MYO10: variants seen among roughly 807,000 people sequenced by gnomAD.
MYO10 encodes myosin X.
A neutral mutation model predicts 257.3 loss-of-function variants in MYO10; 133 were observed. The ratio of observed to expected loss-of-function variants is 0.52; its 90% CI spans 0.45 to 0.60. MYO10 has a LOEUF of 0.60. MYO10 is among the 20% of genes least tolerant of loss of function. MYO10 has a pLI of 0.00. For missense variants in MYO10, 2,399 were observed against 2,635.7 expected (o/e 0.91, Z 1.97); for synonymous variants, 1,104 against 1,028.6 (o/e 1.07, Z -1.40).
intron 19 of MYO10, among the ~76,000 whole-genome samples, chr5:16,712,135 G>C (rs1738649253): frequency 1.3e-5 from 2 of 151,828 alleles, no homozygotes; most frequent in African/African-American, 2.4e-5. Context: ...GGATGGGGAA[G>C]GGGAGATGAC....
intron 8 of MYO10, among the ~76,000 whole-genome samples, chr5:16,780,237 T>C (rs1741381722): frequency 6.6e-6 from 1 of 152,068 alleles, no homozygotes; most frequent in South Asian, 2.1e-4. Flanking sequence ...TTATTCAGGG[T>C]GGCTGAAAAG....
At chr5:16,775,572 C>T (rs1429630265) in intron 9 of MYO10, among the ~76,000 whole-genome samples, 2 of 151,730 alleles carry the variant, frequency 1.3e-5, no homozygotes, top group Admixed American at 1.3e-4. Flanking sequence ...TACAGGTACA[C>T]CACAATGCCT....
chr5:16,903,660 G>C (rs1745446114), intron 1 of MYO10, among the ~76,000 whole-genome samples: 1 of 152,158 alleles, frequency 6.6e-6, no homozygotes. Context: ...TTAGAAAATA[G>C]TCCAGCCTAG....
At chr5:16,792,157 A>AGAGAGAGAGAGG (rs1560987026) in intron 4 of MYO10, among the ~76,000 whole-genome samples, 9 of 144,278 alleles carry the variant, frequency 6.2e-5, no homozygotes, top group African/African-American at 2.3e-4. Context: ...AGAGAGAGAG[A>AGAGAGAGAGAGG]GAGAGAGGGA....
At chr5:16,852,050 C>CAAAAAAAAAAAAAA (rs70943811) in intron 2 of MYO10, among the ~76,000 whole-genome samples, 1 of 42,540 alleles carries the variant, frequency 2.4e-5, no homozygotes, top group Non-Finnish European at 4.4e-5. Context: ...GACTCCATCT[C>CAAAAAAAAAAAAAA]AAAAAAAAAA....
intron 1 of MYO10, among the ~76,000 whole-genome samples, chr5:16,883,524 C>G (rs1055986035): frequency 6.6e-6 from 1 of 152,172 alleles, no homozygotes; most frequent in African/African-American, 2.4e-5. Context: ...CAATTATCCC[C>G]TTCCCTGGAA....
chr5:16,775,914 G>A (rs1263587427), intron 9 of MYO10, among the ~76,000 whole-genome samples: 1 of 149,222 alleles, frequency 6.7e-6, no homozygotes, highest in East Asian at 2.0e-4. Context: ...TTTTATTTTT[G>A]AGATGGGGCC....
intron 1 of MYO10, chr5:16,916,288 T>A (rs1745814634): frequency 2.7e-6 from 1 of 369,736 alleles, no homozygotes; most frequent in Middle Eastern, 3.9e-4. Flanking sequence ...AATATCCCAT[T>A]CGGAGTTCTG....
chr5:16,793,042 G>A (rs6888120), intron 4 of MYO10, among the ~76,000 whole-genome samples: 42,292 of 152,092 alleles, frequency 0.28, 7,264 homozygotes, highest in Non-Finnish European at 0.38. Flanking sequence ...CGGAATCTTC[G>A]TTCACACTGG....
chr5:16,688,440 C>A (rs1433322347), intron 28 of MYO10, among the ~76,000 whole-genome samples: 1 of 152,066 alleles, frequency 6.6e-6, no homozygotes, highest in Non-Finnish European at 1.5e-5. Context: ...ATGTTACCCT[C>A]GTAAATTAAA....
At chr5:16,911,680 C>A (rs1159935015) in intron 1 of MYO10, among the ~76,000 whole-genome samples, 1 of 151,862 alleles carries the variant, frequency 6.6e-6, no homozygotes, top group Non-Finnish European at 1.5e-5. Flanking sequence ...TGCAGTATGC[C>A]GAGATCGCAC....
intron 19 of MYO10, among the ~76,000 whole-genome samples, chr5:16,743,780 A>G (rs966570270): frequency 6.6e-6 from 1 of 152,254 alleles, no homozygotes; most frequent in Non-Finnish European, 1.5e-5. Context: ...GCATTTTGAC[A>G]CATGACAGTA....
At chr5:16,855,246 T>C (rs1743927834) in intron 2 of MYO10, among the ~76,000 whole-genome samples, 1 of 152,160 alleles carries the variant, frequency 6.6e-6, no homozygotes, top group African/African-American at 2.4e-5. Context: ...TTTCCTCAAA[T>C]GGCAGGAATT....
At chr5:16,714,139 A>C (rs1738745319) in intron 19 of MYO10, among the ~76,000 whole-genome samples, 1 of 152,184 alleles carries the variant, frequency 6.6e-6, no homozygotes, top group African/African-American at 2.4e-5. Context: ...CAGGTACATC[A>C]GTACTTAGAT....
At chr5:16,765,592 CAT>C (rs932811979) in intron 11 of MYO10, among the ~76,000 whole-genome samples, 1 of 152,120 alleles carries the variant, frequency 6.6e-6, no homozygotes, top group African/African-American at 2.4e-5. Flanking sequence ...ATAAATAAAA[CAT>C]ATTATTATAT....
At chr5:16,751,913 TTGAG>T (rs755522338) in intron 19 of MYO10, among the ~76,000 whole-genome samples, 178 of 152,304 alleles carry the variant, frequency 1.2e-3, no homozygotes, top group Middle Eastern at 6.8e-3. Context: ...AAACGTGAGG[TTGAG>T]TTAGTTCATT....
intron 3 of MYO10, among the ~76,000 whole-genome samples, chr5:16,802,396 T>C (rs983899742): frequency 2.6e-5 from 4 of 152,116 alleles, no homozygotes; most frequent in South Asian, 2.1e-4. Context: ...CAGTGGCTCA[T>C]GCCTGTAATC....
chr5:16,799,232 T>A (rs7717298), intron 3 of MYO10, among the ~76,000 whole-genome samples: 2 of 152,036 alleles, frequency 1.3e-5, no homozygotes, highest in Non-Finnish European at 2.9e-5. Context: ...GTTCTGACAG[T>A]GTGGATGACA....
At chr5:16,679,525 T>TTTTTTTTTTTTTTTTTTGTTG (rs1491316821) in intron 33 of MYO10, among the ~76,000 whole-genome samples, 2 of 18,716 alleles carry the variant, frequency 1.1e-4, no homozygotes, top group African/African-American at 5.2e-4. Flanking sequence ...TTTTTGGGTG[T>TTTTTTTTTTTTTTTTTTGTTG]TTTTTTTTTT....
Sources: allele counts gnomAD v4.1 joint callset (sites outside exome capture counted in the v4.1 genomes callset), GRCh38; gene constraint gnomAD v4.1.1; transcripts MANE v1.5; gene names NCBI Gene and HGNC (gene_info 2026-07-23, HGNC 2026-07-21).